Variants in PRMT8 observed in about 807,000 individuals in gnomAD.
PRMT8 encodes protein arginine N-methyltransferase 8.
PRMT8 carries 7 observed loss-of-function variants against 47.1 expected under a neutral mutation model. The ratio of observed to expected loss-of-function variants is 0.15; its 90% CI spans 0.08 to 0.28. The LOEUF is 0.28. Among genes scored for constraint, PRMT8 ranks in the 10% least tolerant of loss-of-function variants. The probability of loss-of-function intolerance (pLI) is 1.00; values close to 1 mark genes in which losing one functional copy is unlikely to be tolerated. For missense variants in PRMT8, 237 were observed against 505.4 expected, an observed-to-expected ratio of 0.47 and a Z score of 5.09; for synonymous variants, 188 against 186.5, an observed-to-expected ratio of 1.01 and a Z score of -0.07.
At chr12:3,440,468 C>G (rs2137073689) in intron 1 of PRMT8, among the ~76,000 whole-genome samples, 1 of 150,328 alleles carries the variant, frequency 6.7e-6, no homozygotes, top group African/African-American at 2.5e-5. Flanking sequence ...TCAAAACAAA[C>G]AAAACAAAAC....
At chr12:3,435,957 G>A (rs1358053273) in intron 1 of PRMT8, among the ~76,000 whole-genome samples, 1 of 152,148 alleles carries the variant, frequency 6.6e-6, no homozygotes, top group Non-Finnish European at 1.5e-5. Context: ...GACACCCCGT[G>A]TCCGCAAGGA....
rs555494608 is a variant in PRMT8 at position 3,495,414 on chromosome 12, G to A, written c.75+3714G>A. Among the ~76,000 whole-genome samples the A allele has an allele frequency of 1.3e-4, 20 of 152,260 alleles. No homozygotes were observed. The South Asian group carries it at 4.1e-3, about 32-fold the overall frequency. The stretch of plus-strand genomic sequence containing the variant: ...CGACTGCATATGTGAATGCTTCTGT[G>A]CATACTCTTCCCTCTGCCTGTGCCG... On this transcript the variant is annotated intron_variant, in intron 1 of 9. Transcript: ENST00000382622.
chr12:3,589,568 G>A (rs752806940), intron 8 of PRMT8, among the ~76,000 whole-genome samples: 13 of 152,132 alleles, frequency 8.5e-5, no homozygotes, highest in Admixed American at 2.6e-4. Flanking sequence ...AAATCTCTTG[G>A]AGTAGAATCA....
intron 1 of PRMT8, among the ~76,000 whole-genome samples, chr12:3,390,049 CT>C (rs1471194483): frequency 6.6e-6 from 1 of 152,266 alleles, no homozygotes; most frequent in East Asian, 1.9e-4. Flanking sequence ...CCAGAGCCGC[CT>C]GTGCTTCTGG....
intron 1 of PRMT8, among the ~76,000 whole-genome samples, chr12:3,527,087 G>A (rs929478511): frequency 6.6e-6 from 1 of 151,840 alleles, no homozygotes; most frequent in African/African-American, 2.4e-5. Flanking sequence ...GCATTTTGGG[G>A]GCAATCTATA....
chr12:3,410,787 G>T (rs563784134), intron 1 of PRMT8, among the ~76,000 whole-genome samples: 1 of 152,204 alleles, frequency 6.6e-6, no homozygotes, highest in Admixed American at 6.5e-5. Flanking sequence ...GGTTACAGGC[G>T]TGAGCCACCG....
intron 1 of PRMT8, among the ~76,000 whole-genome samples, chr12:3,509,967 G>A (rs1055466348): frequency 6.6e-6 from 1 of 152,246 alleles, no homozygotes; most frequent in Non-Finnish European, 1.5e-5. Flanking sequence ...AGACAATCAA[G>A]AATGCCCTGT....
At chr12:3,428,643 CT>C (rs146650582) in intron 1 of PRMT8, among the ~76,000 whole-genome samples, 10,063 of 149,042 alleles carry the variant, frequency 0.068, 402 homozygotes, top group East Asian at 0.14. Flanking sequence ...ATAGGGTACA[CT>C]TTTTTTTTTT....
rs1864408465 is a variant in PRMT8, at chr12:3,409,842, C to T, written c.48+28400C>T. On this transcript the variant is annotated intron_variant, in intron 1 of 9. Transcript: ENST00000452611. The surrounding 1 kb of genome is among the most constrained non-coding windows in gnomAD (Gnocchi z 4.4). Reference sequence around the variant, plus strand: ...CTGGGAATCCACAGTGCCTCATCAGCTTCAGCACCAGGGGGTGTGATTGTT... The same window carrying T: ...CTGGGAATCCACAGTGCCTCATCAGTTTCAGCACCAGGGGGTGTGATTGTT... Among the ~76,000 whole-genome samples, 1 of 152,128 alleles carries T rather than the reference C, an allele frequency of 6.6e-6. No homozygotes were observed. The highest frequency in any genetic ancestry group is 2.1e-4 in the South Asian group (1 of 4,816).
At chr12:3,525,263 T>C (rs1591584654) in intron 1 of PRMT8, among the ~76,000 whole-genome samples, 1 of 152,042 alleles carries the variant, frequency 6.6e-6, no homozygotes, top group East Asian at 1.9e-4. Context: ...AAACAGCTGG[T>C]GCATAGTCTC....
chr12:3,514,069 C>A lies in PRMT8; in HGVS notation c.75+22369C>A, dbSNP rs1865751847. On this transcript the variant is annotated intron_variant, in intron 1 of 9. Transcript: ENST00000382622. The surrounding 1 kb of genome is among the most constrained non-coding windows in gnomAD (Gnocchi z 5.9). ...CAGGGGCAGGATTTATTGTGATTGT[C>A]CTTTGGAGAGGGAAGCTCCAAGGAG... 6.6e-6 allele frequency among the ~76,000 whole-genome samples: 1 copy of A among 152,178 alleles called. No homozygotes were observed. The highest frequency in any genetic ancestry group is 1.5e-5 in the Non-Finnish European group (1 of 68,036).
chr12:3,591,264 G>A (rs1253659754), intron 8 of PRMT8, among the ~76,000 whole-genome samples: 3 of 152,096 alleles, frequency 2.0e-5, no homozygotes, highest in Non-Finnish European at 1.5e-5. Context: ...TGAGCTGTGG[G>A]CCAGCATTAG....
chr12:3,477,741 C>G (rs1865229226), intron 1 of PRMT8, among the ~76,000 whole-genome samples: 1 of 152,220 alleles, frequency 6.6e-6, no homozygotes. Flanking sequence ...AAAGTCCCCA[C>G]TGCTCCTGTA....
chr12:3,447,403 T>C (rs1429145788), intron 1 of PRMT8, among the ~76,000 whole-genome samples: 1 of 152,210 alleles, frequency 6.6e-6, no homozygotes, highest in East Asian at 1.9e-4. Flanking sequence ...CTCTATCTGC[T>C]TTCCTGTCTT....
rs1359310464 is a variant in PRMT8 at position 3,493,197 on chromosome 12, G to A, written c.75+1497G>A. On this transcript the variant is annotated intron_variant, in intron 1 of 9. Transcript: ENST00000382622. This position sits in a 1 kb window ranked among gnomAD's most constrained non-coding sequence, Gnocchi z 8.2. The stretch of plus-strand genomic sequence containing the variant: ...GAGTTAGGGCAAAGCCTGCGTGCCC[G>A]CCGTCCCCTCACCACTTCCTCTTCC... Among the ~76,000 whole-genome samples the A allele has an allele frequency of 6.6e-6, 1 of 152,172 alleles. No homozygotes were observed. Among genetic ancestry groups the A allele is most frequent in the Non-Finnish European group, 1.5e-5 (1 of 68,036 alleles).
intron 8 of PRMT8, among the ~76,000 whole-genome samples, chr12:3,586,696 C>T (rs528596569): frequency 3.3e-5 from 5 of 152,290 alleles, no homozygotes; most frequent in African/African-American, 9.6e-5. Context: ...CAGGTGATTG[C>T]GATGCATGCT....
intron 8 of PRMT8, among the ~76,000 whole-genome samples, chr12:3,585,812 A>AG (rs1203273868): frequency 1.3e-5 from 2 of 151,954 alleles, no homozygotes; most frequent in Non-Finnish European, 1.5e-5. Flanking sequence ...AGCAGCCAGG[A>AG]GGGGGAAGGT....
intron 1 of PRMT8, among the ~76,000 whole-genome samples, chr12:3,474,698 T>C (rs952697042): frequency 6.6e-6 from 1 of 152,284 alleles, no homozygotes. Context: ...GAGCTGCTTC[T>C]CCTAAAGGTT....
At chr12:3,507,343 G>A (rs1364190553) in intron 1 of PRMT8, among the ~76,000 whole-genome samples, 2 of 151,966 alleles carry the variant, frequency 1.3e-5, no homozygotes, top group Admixed American at 6.6e-5. Flanking sequence ...GGATGGTCTC[G>A]ATCTCCTGAC....
Sources: allele counts gnomAD v4.1 joint callset (sites outside exome capture counted in the v4.1 genomes callset), GRCh38; gene constraint gnomAD v4.1.1; non-coding constraint Gnocchi (gnomAD v3.1); transcripts MANE v1.5; gene names NCBI Gene and HGNC (gene_info 2026-07-23, HGNC 2026-07-21).